Variants in CFAP92 observed in about 807,000 individuals in gnomAD.
CFAP92 encodes cilia and flagella associated protein 92 (putative).
In CFAP92, 86 loss-of-function variants were observed where a neutral mutation model predicts 106.3. The observed-to-expected ratio is 0.81, with a 90% CI of 0.68 to 0.97. The LOEUF (loss-of-function observed/expected upper bound fraction) is 0.97. CFAP92 is among the 50% of genes least tolerant of loss of function. CFAP92 has a pLI of 0.00. For missense variants in CFAP92, 1,204 were observed against 1,283.8 expected, an observed-to-expected ratio of 0.94 and a Z score of 0.95; for synonymous variants, 477 against 506.4, an observed-to-expected ratio of 0.94 and a Z score of 0.78.
At chr3:128,935,762 C>T (rs567070613) in intron 10 of CFAP92, among the ~76,000 whole-genome samples, 50 of 152,114 alleles carry the variant, frequency 3.3e-4, no homozygotes, top group African/African-American at 5.8e-4. Flanking sequence ...GAGGCTGCAG[C>T]GAGCCCTGAT....
At position 128,988,925 on chromosome 3, in the gene CFAP92, G is replaced by A. The variant is rs1197598533; in HGVS notation, c.263-7C>T. The A allele has an allele frequency of 2.5e-6, 4 of 1,605,586 alleles. No individual in the cohort carries two copies. Among genetic ancestry groups the A allele is most frequent in the Non-Finnish European group, 3.4e-6 (4 of 1,174,006 alleles). ...GCATATTTTCCCTTCTGACCTTGAA[G>A]ATACAGATTGAAAAAGTCTCGTTTT... On this transcript the variant is annotated splice_polypyrimidine_tract_variant and splice_region_variant and intron_variant, in intron 2 of 15. Transcript: ENST00000645291.
At chr3:128,949,389 C>G (rs955146301) in intron 9 of CFAP92, among the ~76,000 whole-genome samples, 3 of 152,216 alleles carry the variant, frequency 2.0e-5, no homozygotes, top group Admixed American at 6.5e-5. Flanking sequence ...AAGGAAAGAA[C>G]TACCGATAGA....
chr3:128,976,098 C>T (rs1185586928), intron 6 of CFAP92, among the ~76,000 whole-genome samples, 195 bp from the exon 7 acceptor site: 2 of 152,172 alleles, frequency 1.3e-5, no homozygotes, highest in Non-Finnish European at 2.9e-5. Context: ...AATGTAGACT[C>T]TGGTTCAGTA....
At chr3:129,012,390 T>C in the CFAP92 span, among the ~76,000 whole-genome samples, 1 of 152,170 alleles carries the variant, frequency 6.6e-6, no homozygotes, top group Admixed American at 6.5e-5. Context: ...TTTCGACCCC[T>C]GTGCCTCCAG....
At chr3:128,924,290 A>G (rs560020886) in intron 12 of CFAP92, among the ~76,000 whole-genome samples, 22 of 152,012 alleles carry the variant, frequency 1.4e-4, no homozygotes, top group Non-Finnish European at 2.8e-4. Context: ...CTGCACCACA[A>G]TCTAAGCCCA....
intron 10 of CFAP92, among the ~76,000 whole-genome samples, chr3:128,943,537 C>CA: frequency 6.8e-6 from 1 of 146,272 alleles, no homozygotes; most frequent in Middle Eastern, 3.6e-3. Context: ...TATTTCATTT[C>CA]TTTTTTTTTT....
rs2929861 is a variant in CFAP92 at position 128,963,776 on chromosome 3, C to A, written c.1353+1735G>T. 6.3e-4 allele frequency among the ~76,000 whole-genome samples: 93 copies of A among 147,052 alleles called. 1 individual carries two copies. The highest frequency in any genetic ancestry group is 2.3e-3 in the African/African-American group (89 of 38,972). Reference sequence around the variant, plus strand: ...CAGAACCTCTCATTTCCTTTCCATCCTGGAAATCTATCCTCAAGGAAATAA... The same window carrying A: ...CAGAACCTCTCATTTCCTTTCCATCATGGAAATCTATCCTCAAGGAAATAA... On this transcript the variant is annotated intron_variant, in intron 9 of 15. Transcript: ENST00000645291.
intron 10 of CFAP92, among the ~76,000 whole-genome samples, chr3:128,938,766 A>G (rs1197565158): frequency 2.0e-5 from 3 of 152,104 alleles, no homozygotes; most frequent in Admixed American, 6.6e-5. Context: ...TGCTGGGATT[A>G]CAGGAGTGAG....
the CFAP92 span, among the ~76,000 whole-genome samples, chr3:129,018,865 C>A: frequency 8.5e-5 from 13 of 152,228 alleles, no homozygotes; most frequent in Non-Finnish European, 1.6e-4. Context: ...TCTGACTCCC[C>A]ACTCGGCGCT....
chr3:128,987,124 G>A (rs993125287), intron 4 of CFAP92, among the ~76,000 whole-genome samples: 4 of 152,026 alleles, frequency 2.6e-5, no homozygotes, highest in African/African-American at 9.7e-5. Flanking sequence ...TCGCACCACC[G>A]CACTCCAGCC....
At chr3:128,948,064 T>G (rs1940408253) in intron 9 of CFAP92, among the ~76,000 whole-genome samples, 1 of 152,164 alleles carries the variant, frequency 6.6e-6, no homozygotes, top group Non-Finnish European at 1.5e-5. Context: ...AAAGATGTGC[T>G]TGTCACAGAT....
chr3:129,017,401 G>C, the CFAP92 span, among the ~76,000 whole-genome samples: 2 of 152,314 alleles, frequency 1.3e-5, no homozygotes, highest in South Asian at 4.1e-4. Context: ...TCATAATTCC[G>C]TAGGCCGGAA....
chr3:129,002,283 G>GC, intron 1 of CFAP92: 1 of 1,528,940 alleles, frequency 6.5e-7, no homozygotes, highest in Non-Finnish European at 8.7e-7. Context: ...GGACCTGCGC[G>GC]CCGCGCTGCA....
At chr3:129,000,111 G>T (rs961523918) in intron 1 of CFAP92, among the ~76,000 whole-genome samples, 3 of 152,224 alleles carry the variant, frequency 2.0e-5, no homozygotes, top group African/African-American at 7.2e-5. Context: ...TGGACACCAG[G>T]TTGTCTCCAG....
At chr3:128,997,186 T>C (rs2107834175), upstream of CFAP92, among the ~76,000 whole-genome samples, 1 of 152,078 alleles carries the variant, frequency 6.6e-6, no homozygotes, top group African/African-American at 2.4e-5. Flanking sequence ...GGGTGGAGGG[T>C]TCCCAAGCTC....
At chr3:128,986,084 AG>A (rs1943839034) in intron 4 of CFAP92, among the ~76,000 whole-genome samples, 1 of 152,192 alleles carries the variant, frequency 6.6e-6, no homozygotes, top group African/African-American at 2.4e-5. Flanking sequence ...CAAGCCTCCA[AG>A]GTCAGAAAGG....
Position 128,945,415 on chromosome 3 carries a change from G to C in CFAP92, c.1914C>G (p.Ile638Met), listed in dbSNP as rs536901237. ...ADSQLKLRVD[I>M]AVPLRAGARA... ...TGGCCCCGGCCCTCAGTGGCACCGCGATGTCCACTCGCAACTTGAGCTGGG... is the reference window on the plus strand; with the variant it reads ...TGGCCCCGGCCCTCAGTGGCACCGCCATGTCCACTCGCAACTTGAGCTGGG... The change falls in exon 10 of 16, where the codon ATC (isoleucine) becomes ATG (methionine). Residue 638 changes from isoleucine (I) to methionine (M), a missense_variant. Ile to Met is a conservative substitution (Grantham distance 10). Coordinates refer to ENST00000645291, the MANE Select transcript of CFAP92 (RefSeq NM_001394090.1). 6.5e-7 allele frequency: 1 copy of C among 1,536,002 alleles called. No homozygotes were observed. Among genetic ancestry groups the C allele is most frequent in the Non-Finnish European group, 8.7e-7 (1 of 1,146,914 alleles).
At chr3:128,981,087 A>G (rs1489284902) in intron 4 of CFAP92, among the ~76,000 whole-genome samples, 1 of 147,366 alleles carries the variant, frequency 6.8e-6, no homozygotes, top group Non-Finnish European at 1.5e-5. Context: ...CCCAGGCTGG[A>G]GTGCAGTGGT....
At chr3:128,932,598 G>A in intron 12 of CFAP92, 102 bp downstream of exon 12, 2 of 1,207,788 alleles carry the variant, frequency 1.7e-6, no homozygotes, top group African/African-American at 1.5e-5. Context: ...CACGACCAGA[G>A]GCAAATGTCC....
Sources: allele counts gnomAD v4.1 joint callset (sites outside exome capture counted in the v4.1 genomes callset), GRCh38; gene constraint gnomAD v4.1.1; transcripts MANE v1.5; gene names NCBI Gene and HGNC (gene_info 2026-07-23, HGNC 2026-07-21).